The following LRP1B variants were observed in gnomAD, a reference collection of about 807,000 sequenced individuals.
LRP1B encodes low-density lipoprotein receptor-related protein 1B.
A neutral mutation model predicts 556.6 loss-of-function variants in LRP1B; 217 were observed. The ratio of observed to expected loss-of-function variants is 0.39; its 90% confidence interval spans 0.35 to 0.44. LRP1B has a LOEUF of 0.44. LRP1B is among the 20% of genes least tolerant of loss of function. The pLI is 1.00. For synonymous variants in LRP1B, 2,047 were observed against 1,865.8 expected (o/e 1.10, Z -2.50); for missense variants, 5,053 against 5,620.8 (o/e 0.90, Z 3.23).
At chr2:141,540,091 T>C (rs763408347) in intron 2 of LRP1B, among the ~76,000 whole-genome samples, 1 of 152,098 alleles carries the variant, frequency 6.6e-6, no homozygotes, top group Non-Finnish European at 1.5e-5. Context: ...CTGTGCTTAA[T>C]AGACCATCAA....
rs1234969664 is a variant in LRP1B at position 140,872,376 on chromosome 2, T to TGTTTG, written c.4170-4114_4170-4113insCAAAC. Among the ~76,000 whole-genome samples the TGTTTG allele has an allele frequency of 3.4e-3, 493 of 146,468 alleles. 4 individuals are homozygous for TGTTTG. Among genetic ancestry groups the TGTTTG allele is most frequent in the African/African-American group, 0.012 (471 of 39,918 alleles). On this transcript the variant is annotated intron_variant, in intron 25 of 90. Coordinates refer to ENST00000389484, the MANE Select transcript of LRP1B (RefSeq NM_018557.3). The stretch of plus-strand genomic sequence containing the variant: ...TGTCACCTGATTTTTTTTTTTTTTT[T>TGTTTG]TTTTTTTTTTTTACTAAAGTAGCTA...
intron 2 of LRP1B, among the ~76,000 whole-genome samples, chr2:141,571,350 C>A (rs1426453103): frequency 6.7e-6 from 1 of 149,524 alleles, no homozygotes; most frequent in African/African-American, 2.4e-5. Flanking sequence ...GAAAAACAAA[C>A]AAGCAGAAAC....
At chr2:141,345,529 A>C (rs1688219020) in intron 3 of LRP1B, among the ~76,000 whole-genome samples, 1 of 151,958 alleles carries the variant, frequency 6.6e-6, no homozygotes, top group African/African-American at 2.4e-5. Context: ...TGGTCTATAC[A>C]TCTAGGCTAG....
intron 31 of LRP1B, among the ~76,000 whole-genome samples, chr2:140,819,161 A>G (rs1009900001): frequency 6.6e-6 from 1 of 152,140 alleles, no homozygotes; most frequent in Non-Finnish European, 1.5e-5. Flanking sequence ...GACACATGGA[A>G]AGCATGAAAT....
chr2:141,342,665 AT>A (rs1352289358), intron 3 of LRP1B, among the ~76,000 whole-genome samples: 2 of 152,096 alleles, frequency 1.3e-5, no homozygotes, highest in African/African-American at 2.4e-5. Flanking sequence ...TGAAGACAAG[AT>A]TAGAGCAAAA....
chr2:141,078,819 C>T (rs1474108561), intron 7 of LRP1B, among the ~76,000 whole-genome samples: 9 of 152,072 alleles, frequency 5.9e-5, no homozygotes, highest in Non-Finnish European at 1.2e-4. Flanking sequence ...AAAAAAAGAA[C>T]TCAAATTGTA....
intron 32 of LRP1B, among the ~76,000 whole-genome samples, chr2:140,790,656 G>A (rs1573722727): frequency 6.6e-6 from 1 of 152,266 alleles, no homozygotes; most frequent in East Asian, 1.9e-4. Context: ...AGGCCCGTCT[G>A]GAAGAGGGAG....
chr2:141,393,537 A>C (rs1198917230), intron 3 of LRP1B, among the ~76,000 whole-genome samples: 1 of 152,214 alleles, frequency 6.6e-6, no homozygotes, highest in Non-Finnish European at 1.5e-5. Context: ...CTTTTAAAAA[A>C]TAATTATTCC....
At chr2:140,427,138 G>A (rs745427289) in intron 66 of LRP1B, among the ~76,000 whole-genome samples, 2 of 152,120 alleles carry the variant, frequency 1.3e-5, no homozygotes, top group Admixed American at 1.3e-4. Flanking sequence ...TCACGGACTC[G>A]GGAAGGCAGC....
chr2:142,056,098 C>A (rs567949258), intron 1 of LRP1B, among the ~76,000 whole-genome samples: 3 of 152,182 alleles, frequency 2.0e-5, no homozygotes, highest in Non-Finnish European at 4.4e-5. Flanking sequence ...TTGCAGTGAG[C>A]CGAGACTGCG....
chr2:141,997,377 A>ATGTGTG (rs199813219), intron 1 of LRP1B, among the ~76,000 whole-genome samples: 1 of 144,258 alleles, frequency 6.9e-6, no homozygotes, highest in Non-Finnish European at 1.5e-5. Flanking sequence ...AATATCCAAG[A>ATGTGTG]TGTGTGTGTG....
intron 72 of LRP1B, among the ~76,000 whole-genome samples, chr2:140,359,323 CAT>C (rs1244589096): frequency 1.3e-5 from 2 of 151,610 alleles, no homozygotes; most frequent in African/African-American, 4.8e-5. Context: ...CCGGAGCAAG[CAT>C]ATGTTACAGG....
At chr2:142,092,618 T>C (rs1441702595) in intron 1 of LRP1B, among the ~76,000 whole-genome samples, 1 of 151,386 alleles carries the variant, frequency 6.6e-6, no homozygotes, top group East Asian at 1.9e-4. Context: ...TGGGGTAAAT[T>C]TGTAAGGAGA....
At chr2:141,562,327 A>G (rs1461707608) in intron 2 of LRP1B, among the ~76,000 whole-genome samples, 1 of 151,906 alleles carries the variant, frequency 6.6e-6, no homozygotes, top group Non-Finnish European at 1.5e-5. Flanking sequence ...TTTGGAATGG[A>G]CCCAGAGATT....
intron 1 of LRP1B, among the ~76,000 whole-genome samples, chr2:142,048,042 CT>C (rs1444028365): frequency 6.9e-6 from 1 of 145,174 alleles, no homozygotes; most frequent in East Asian, 2.1e-4. Context: ...AAAATCCAGA[CT>C]TTCCACTGTG....
chr2:141,356,958 T>G (rs181763971), intron 3 of LRP1B, among the ~76,000 whole-genome samples: 2 of 152,336 alleles, frequency 1.3e-5, no homozygotes, highest in East Asian at 3.9e-4. Flanking sequence ...TCTGTCATGA[T>G]ATGAAATGAT....
intron 25 of LRP1B, among the ~76,000 whole-genome samples, chr2:140,871,355 G>C (rs1272555832): frequency 6.8e-6 from 1 of 146,594 alleles, no homozygotes; most frequent in Non-Finnish European, 1.5e-5. Flanking sequence ...TATTGATAGA[G>C]AATAAATATT....
chr2:140,807,413 T>C (rs983981077), intron 32 of LRP1B, among the ~76,000 whole-genome samples: 12 of 152,054 alleles, frequency 7.9e-5, no homozygotes, highest in African/African-American at 2.9e-4. Flanking sequence ...CAATCTTGGC[T>C]CACTGCAACC....
At chr2:140,856,790 T>C (rs1169809304) in intron 27 of LRP1B, among the ~76,000 whole-genome samples, 1 of 151,050 alleles carries the variant, frequency 6.6e-6, no homozygotes, top group Admixed American at 6.6e-5. Context: ...CATTGTTTTT[T>C]CCTAAAATTT....
Sources: allele counts gnomAD v4.1 joint callset (sites outside exome capture counted in the v4.1 genomes callset), GRCh38; gene constraint gnomAD v4.1.1; transcripts MANE v1.5; gene names NCBI Gene and HGNC (gene_info 2026-07-23, HGNC 2026-07-21).